SRPX2: variants seen among roughly 807,000 people sequenced by gnomAD.
SRPX2 encodes sushi repeat-containing protein SRPX2.
In SRPX2, 26 loss-of-function variants were observed where a neutral mutation model predicts 45.3. The ratio of observed to expected loss-of-function variants is 0.57; its 90% CI spans 0.42 to 0.80. The LOEUF (loss-of-function observed/expected upper bound fraction) is 0.80, where lower values mean the gene tolerates loss of function less well. Among genes scored for constraint, SRPX2 ranks in the 30% least tolerant of loss-of-function variants. SRPX2 has a pLI of 0.00. For missense variants in SRPX2, 355 were observed against 399.8 expected, an observed-to-expected ratio of 0.89 and a Z score of 0.95; for synonymous variants, 125 against 143.7, an observed-to-expected ratio of 0.87 and a Z score of 0.93.
Position 100,674,532 on chromosome X carries a change from CA to C in SRPX2, c.*3546del, listed in dbSNP as rs1178379593. 4 of 112,239 alleles carry C rather than the reference CA, an allele frequency of 3.6e-5. No individual in the cohort carries two copies. Among genetic ancestry groups the C allele is most frequent in the Admixed American group, 9.5e-5 (1 of 10,573 alleles). The allele number at this position is 112,239 out of a possible 1,213,427, so 9.2% of individuals were successfully genotyped here. A position where few individuals can be genotyped will look rare whatever the true frequency, so the allele number is the denominator to read the frequency against. On this transcript the variant is annotated 3_prime_UTR_variant, in exon 11 of 11. Transcript: ENST00000373004. Reference sequence around the variant, plus strand: ...GCTTTATTAAAGCACACATACATGTCAGGGGGGTGGGAAACAAAAGAGCAAG... The same window carrying C: ...GCTTTATTAAAGCACACATACATGTCGGGGGGTGGGAAACAAAAGAGCAAG...
rs2083240916 is a variant in SRPX2, at chrX:100,673,925, C to T, written c.*2938C>T. ...TATATGAAGCCTTGCACATAAAAAG[C>T]ATTTGATATATATTAATGCCCTTTT... On this transcript the variant is annotated 3_prime_UTR_variant, in exon 11 of 11. Transcript: ENST00000373004. 1 of 111,908 alleles carries T rather than the reference C, an allele frequency of 8.9e-6. No homozygotes were observed. The highest frequency in any genetic ancestry group is 3.7e-4 in the South Asian group (1 of 2,677). The allele number at this position is 111,908 out of a possible 1,213,427, so 9.2% of individuals were successfully genotyped here.
intron 3 of SRPX2, among the ~76,000 whole-genome samples, chrX:100,652,503 G>A (rs2147641736): frequency 9.0e-6 from 1 of 111,523 alleles, no homozygotes; most frequent in Non-Finnish European, 1.9e-5. Context: ...GAAGACATCT[G>A]TAGACATGAG....
At position 100,668,867 on chromosome X, in the gene SRPX2, C is replaced by A. The variant is rs371294172; in HGVS notation, c.1096-381C>A. On this transcript the variant is annotated intron_variant, in intron 9 of 10. Coordinates refer to ENST00000373004, the MANE Select transcript of SRPX2 (RefSeq NM_014467.3). ...GGGTGTTGTGAAGATTAGATTATGT[C>A]TACAAAGCATTAGGTTTGTGTATTC... Among the ~76,000 whole-genome samples, 19 of 112,064 alleles carry A rather than the reference C, an allele frequency of 1.7e-4. No individual in the cohort carries two copies. The East Asian group carries it at 5.1e-3, about 30-fold the overall frequency.
At chrX:100,651,435 A>C (rs1371713077) in intron 3 of SRPX2, among the ~76,000 whole-genome samples, 1 of 111,214 alleles carries the variant, frequency 9.0e-6, no homozygotes, top group Non-Finnish European at 1.9e-5. Flanking sequence ...GGAGCTAAGA[A>C]GAAACCAGCC....
chrX:100,657,976 T>TG (rs763128329), intron 3 of SRPX2, among the ~76,000 whole-genome samples: 2 of 112,738 alleles, frequency 1.8e-5, no homozygotes, highest in Non-Finnish European at 3.7e-5. Context: ...ACTGTTGAGT[T>TG]GTTCGAGTTC....
chrX:100,652,533 A>C (rs73555465), intron 3 of SRPX2, among the ~76,000 whole-genome samples: 1 of 111,212 alleles, frequency 9.0e-6, no homozygotes, highest in Non-Finnish European at 1.9e-5. Context: ...AGGAACCAGC[A>C]AGGGGAAAAA....
rs756623285 is a variant in SRPX2 at position 100,670,865 on chromosome X, A to G, written c.1276A>G (p.Ile426Val). Reference sequence around the variant, plus strand: ...CATGGTGTTGATTGACAAGCAGGGTATTGACCGAGACCGCTACATGGAACC... The same window carrying G: ...CATGGTGTTGATTGACAAGCAGGGTGTTGACCGAGACCGCTACATGGAACC... ...FNMVLIDKQG[I>V]DRDRYMEPVT... Residue 426 changes from isoleucine to valine, a missense_variant, in exon 11 of 11, where the codon ATT becomes GTT. Ile to Val is a conservative substitution (Grantham distance 29). Coordinates refer to ENST00000373004, the MANE Select transcript of SRPX2 (RefSeq NM_014467.3). 7 of 1,209,495 alleles carry G rather than the reference A, an allele frequency of 5.8e-6. No homozygotes were observed. The Admixed American group carries it at 6.6e-5, about 11-fold the overall frequency.
chrX:100,656,546 A>G lies in SRPX2; in HGVS notation c.164-5630A>G, dbSNP rs146425498. On this transcript the variant is annotated intron_variant, in intron 3 of 10. Coordinates refer to ENST00000373004, the MANE Select transcript of SRPX2 (RefSeq NM_014467.3). The stretch of plus-strand genomic sequence containing the variant: ...CCATGAGATTAACTTTTTAGCACCC[A>G]CAATTAAATGAGAACATGCAGTATT... Among the ~76,000 whole-genome samples, 25 of 111,870 alleles carry G rather than the reference A, an allele frequency of 2.2e-4. No homozygotes were observed. The East Asian group carries it at 4.5e-3, about 20-fold the overall frequency.
chrX:100,660,885 T>C (rs1175786877), intron 3 of SRPX2: 1 of 111,716 alleles, frequency 9.0e-6, no homozygotes, highest in Non-Finnish European at 1.9e-5. Context: ...CATTTGAGAT[T>C]TGAGTTGTTT....
At chrX:100,655,077 G>A (rs1388919129) in intron 3 of SRPX2, among the ~76,000 whole-genome samples, 1 of 112,273 alleles carries the variant, frequency 8.9e-6, no homozygotes, top group Admixed American at 9.4e-5. Context: ...GCTACAGAAA[G>A]CGGAGACAAT....
chrX:100,659,253 C>T (rs1340932327), intron 3 of SRPX2, among the ~76,000 whole-genome samples: 12 of 111,977 alleles, frequency 1.1e-4, no homozygotes, highest in Non-Finnish European at 7.5e-5. Flanking sequence ...AGACTTCTTC[C>T]TTATTTGAAA....
chrX:100,655,527 G>A (rs1394611443), intron 3 of SRPX2, among the ~76,000 whole-genome samples: 2 of 111,514 alleles, frequency 1.8e-5, no homozygotes, highest in East Asian at 2.8e-4. Flanking sequence ...CTTCAAAATA[G>A]TAGCCTATTT....
chrX:100,646,217 C>T lies in SRPX2; in HGVS notation c.-106C>T, dbSNP rs2083135038. 4.2e-6 allele frequency: 3 copies of T among 716,625 alleles called. No homozygotes were observed. The Admixed American group carries it at 6.8e-5, about 16-fold the overall frequency. The allele number at this position is 716,625 out of a possible 1,213,427, so 59.1% of individuals were successfully genotyped here. On this transcript the variant is annotated 5_prime_UTR_variant, in exon 2 of 11. Coordinates refer to ENST00000373004, the MANE Select transcript of SRPX2 (RefSeq NM_014467.3). Reference sequence around the variant, plus strand: ...GATCCCATATTTCTGCTTCCCCTCACTTTTAGAAGTTAATTGATGGCTGAC... The same window carrying T: ...GATCCCATATTTCTGCTTCCCCTCATTTTTAGAAGTTAATTGATGGCTGAC...
In SRPX2 at chrX:100,672,131, A is replaced by G. The variant is rs2147653458; in HGVS notation, c.*1144A>G. 1 of 112,736 alleles carries G rather than the reference A, an allele frequency of 8.9e-6. No homozygotes were observed. The highest frequency in any genetic ancestry group is 3.7e-4 in the South Asian group (1 of 2,680). The allele number at this position is 112,736 out of a possible 1,213,427, so 9.3% of individuals were successfully genotyped here. A position where few individuals can be genotyped will look rare whatever the true frequency, so the allele number is the denominator to read the frequency against. ...CAGAGCAGGTGGGAGCTATAGCAGCACAAAATCAAGCCTTACCAGGCCTAA... is the reference window on the plus strand; with the variant it reads ...CAGAGCAGGTGGGAGCTATAGCAGCGCAAAATCAAGCCTTACCAGGCCTAA... On this transcript the variant is annotated 3_prime_UTR_variant, in exon 11 of 11. Transcript: ENST00000373004.
chrX:100,664,893 C>A lies in SRPX2; in HGVS notation c.475C>A (p.Arg159Ser), dbSNP rs1406529183. The change falls in exon 5 of 11, where the codon CGC (arginine) becomes AGC (serine). Residue 159 changes from arginine to serine, a missense_variant. By Grantham distance (110) the Arg-to-Ser change is moderately radical (BLOSUM62 -1). Transcript: ENST00000373004. ...CAGTGGCTACCACCTGGAAGGTGAT[C>A]GCAGCCGAATCTGCATGGAAGATGG... ...CSSGYHLEGD[R>S]SRICMEDGRW... 3 of 1,209,244 alleles carry A rather than the reference C, an allele frequency of 2.5e-6. No homozygotes were observed. In the African/African-American group the frequency reaches 5.2e-5, roughly 21 times the overall value.
At position 100,656,723 on chromosome X, in the gene SRPX2, T is replaced by C. The variant is rs192507682; in HGVS notation, c.164-5453T>C. 6.1e-3 allele frequency among the ~76,000 whole-genome samples: 685 copies of C among 112,372 alleles called. 18 individuals are homozygous for C. The highest frequency in any genetic ancestry group is 0.057 in the Admixed American group (611 of 10,632). ...TTTTATTTATCCATTAGTCCACTGA[T>C]GGATACTTAGGTTGATTCCATATCT... On this transcript the variant is annotated intron_variant, in intron 3 of 10. Coordinates refer to ENST00000373004, the MANE Select transcript of SRPX2 (RefSeq NM_014467.3).
At chrX:100,660,645 A>G (rs747514754) in intron 3 of SRPX2, among the ~76,000 whole-genome samples, 1 of 111,429 alleles carries the variant, frequency 9.0e-6, no homozygotes, top group East Asian at 2.8e-4. Context: ...CTAGCCAACA[A>G]GGTGAAACCC....
At chrX:100,648,526 C>T (rs1262156170) in intron 2 of SRPX2, among the ~76,000 whole-genome samples, 1 of 110,318 alleles carries the variant, frequency 9.1e-6, no homozygotes, top group East Asian at 2.8e-4. Flanking sequence ...TTCTTATACC[C>T]ATCTTAGTAT....
intron 8 of SRPX2, 134 bp from the exon 9 acceptor site, chrX:100,667,140 A>T: frequency 9.3e-7 from 1 of 1,070,813 alleles, no homozygotes; most frequent in Non-Finnish European, 1.3e-6. Context: ...TTCTTTTAGG[A>T]TTTCCCCCAA....
Sources: allele counts gnomAD v4.1 joint callset (sites outside exome capture counted in the v4.1 genomes callset), GRCh38; gene constraint gnomAD v4.1.1; transcripts MANE v1.5; gene names NCBI Gene and HGNC (gene_info 2026-07-23, HGNC 2026-07-21).